Variants in MAP3K9 observed in about 807,000 individuals in gnomAD.
The protein encoded by MAP3K9 is mitogen-activated protein kinase kinase kinase 9.
Under a neutral mutation model 95.8 loss-of-function variants are expected in MAP3K9, and 46 were observed. The observed-to-expected ratio is 0.48, with a 90% confidence interval of 0.38 to 0.61. The LOEUF is 0.61. Among genes scored for constraint, MAP3K9 ranks in the 20% least tolerant of loss-of-function variants. MAP3K9 has a pLI of 0.00. For missense variants in MAP3K9, 1,296 were observed against 1,474.3 expected (o/e 0.88, Z 1.98); for synonymous variants, 533 against 593.8 (o/e 0.90, Z 1.49).
At chr14:70,748,062 G>A (rs1377705801) in intron 5 of MAP3K9, among the ~76,000 whole-genome samples, 1 of 148,688 alleles carries the variant, frequency 6.7e-6, no homozygotes, top group African/African-American at 2.5e-5. Flanking sequence ...AGCTGAGATC[G>A]TGCCACTGCA....
chr14:70,730,371 C>G lies in MAP3K9; in HGVS notation c.*9G>C. ...GCTGTCCCCCTTGCCCGCCCCAATCCTTTTCGTGCTAAGACCAGAACTCCT... is the reference window on the plus strand; with the variant it reads ...GCTGTCCCCCTTGCCCGCCCCAATCGTTTTCGTGCTAAGACCAGAACTCCT... On this transcript the variant is annotated 3_prime_UTR_variant, in exon 12 of 12. Transcript: ENST00000554752. The G allele has an allele frequency of 6.3e-7, 1 of 1,595,818 alleles. No homozygotes were observed. Among genetic ancestry groups the G allele is most frequent in the Non-Finnish European group, 8.6e-7 (1 of 1,165,824 alleles).
intron 5 of MAP3K9, among the ~76,000 whole-genome samples, chr14:70,743,636 C>T (rs2054106391): frequency 6.6e-6 from 1 of 152,142 alleles, no homozygotes; most frequent in Admixed American, 6.5e-5. Flanking sequence ...TACAGAATTG[C>T]AAATCAAAAC....
At chr14:70,740,783 T>G (rs1455972189) in intron 6 of MAP3K9, among the ~76,000 whole-genome samples, 1 of 152,236 alleles carries the variant, frequency 6.6e-6, no homozygotes, top group African/African-American at 2.4e-5. Context: ...AATAAACAGC[T>G]GCTGCTTGCA....
Position 70,722,690 on chromosome 14 carries a change from A to C in MAP3K9, c.*7690T>G, listed in dbSNP as rs1413075003. 2 of 142,656 alleles carry C rather than the reference A, an allele frequency of 1.4e-5. No individual in the cohort carries two copies. Among genetic ancestry groups the C allele is most frequent in the Non-Finnish European group, 3.1e-5 (2 of 64,614 alleles). 8.8% of individuals were successfully genotyped at this position (142,656 alleles called of 1,614,324 possible). ...GTACCTCGAAAGAAAAAAAAAAAAA[A>C]GCCAAAGGAAAGAACCTGGTAAGTT... On this transcript the variant is annotated 3_prime_UTR_variant, in exon 12 of 12. Transcript: ENST00000554752.
intron 2 of MAP3K9, among the ~76,000 whole-genome samples, chr14:70,794,152 G>C (rs781155159): frequency 6.6e-6 from 1 of 152,312 alleles, no homozygotes; most frequent in African/African-American, 2.4e-5. Context: ...GGAAAGGGGA[G>C]ACCAGCTTGG....
chr14:70,784,767 T>G (rs1034864051), intron 2 of MAP3K9, among the ~76,000 whole-genome samples: 1 of 152,114 alleles, frequency 6.6e-6, no homozygotes, highest in Non-Finnish European at 1.5e-5. Flanking sequence ...AGGTTCAAAT[T>G]GTGCTTTTGG....
At chr14:70,754,846 C>T (rs1566743328) in intron 3 of MAP3K9, among the ~76,000 whole-genome samples, 2 of 152,230 alleles carry the variant, frequency 1.3e-5, no homozygotes, top group East Asian at 3.9e-4. Flanking sequence ...GGCAAGAAGG[C>T]CTTGTGGGAC....
At chr14:70,771,513 A>T (rs1389432209) in intron 2 of MAP3K9, among the ~76,000 whole-genome samples, 1 of 152,060 alleles carries the variant, frequency 6.6e-6, no homozygotes, top group Non-Finnish European at 1.5e-5. Context: ...TAATAAAAAC[A>T]GTCTCTGAGC....
At chr14:70,732,283 C>A (rs1474810229) in intron 11 of MAP3K9, among the ~76,000 whole-genome samples, 1 of 152,092 alleles carries the variant, frequency 6.6e-6, no homozygotes, top group Non-Finnish European at 1.5e-5. Flanking sequence ...CCAAAGGAGT[C>A]CCAGGTCTTC....
intron 2 of MAP3K9, among the ~76,000 whole-genome samples, chr14:70,790,531 G>C (rs998210871): frequency 6.6e-6 from 1 of 152,170 alleles, no homozygotes; most frequent in Non-Finnish European, 1.5e-5. Context: ...CACTGCACCA[G>C]AACACCTCTT....
rs375161594 is a variant in MAP3K9, at chr14:70,742,462, T to C, written c.1456A>G (p.Ile486Val). Residue 486 changes from isoleucine to valine, a missense_variant, in exon 6 of 12, where the codon ATC becomes GTC. Around this residue, in one of 5 missense-constraint regions of MAP3K9, gnomAD observed 377 missense variants for 417.1 expected, o/e 0.90. Transcript: ENST00000554752. ...EIDILERELN[I>V]IIHQLCQEKP... ...TCCTGGCACAGCTGGTGGATGATGA[T>C]GTTGAGCTCCCGTTCCAGGATGTCA... 677 of 1,614,234 alleles carry C rather than the reference T, an allele frequency of 4.2e-4. 7 individuals carry two copies. In the South Asian group the frequency reaches 6.3e-3, roughly 15 times the overall value.
At chr14:70,776,368 G>A (rs921158670) in intron 2 of MAP3K9, among the ~76,000 whole-genome samples, 4 of 152,080 alleles carry the variant, frequency 2.6e-5, no homozygotes, top group East Asian at 1.9e-4. Flanking sequence ...TGTGGCTTGC[G>A]GGGAGGGTGT....
intron 2 of MAP3K9, among the ~76,000 whole-genome samples, chr14:70,780,133 G>T (rs1662639195): frequency 2.0e-5 from 3 of 152,202 alleles, no homozygotes; most frequent in Non-Finnish European, 2.9e-5. Flanking sequence ...GGGAACAAGG[G>T]AACAAATCAG....
intron 3 of MAP3K9, among the ~76,000 whole-genome samples, 173 bp downstream of exon 3, chr14:70,760,829 T>C (rs1184949005): frequency 6.6e-6 from 1 of 152,132 alleles, no homozygotes; most frequent in Non-Finnish European, 1.5e-5. Flanking sequence ...ATGAAAGCAT[T>C]AGAAACTGTC....
intron 2 of MAP3K9, among the ~76,000 whole-genome samples, chr14:70,775,971 C>CT (rs1457673044): frequency 2.0e-5 from 3 of 152,080 alleles, no homozygotes; most frequent in Non-Finnish European, 4.4e-5. Flanking sequence ...GGTGGATCAC[C>CT]TGAGGTCAGG....
chr14:70,733,330 C>A lies in MAP3K9; in HGVS notation c.2039G>T (p.Ser680Ile). 1.5e-6 allele frequency: 2 copies of A among 1,348,674 alleles called. No individual in the cohort carries two copies. Among genetic ancestry groups the A allele is most frequent in the Non-Finnish European group, 2.1e-6 (2 of 962,046 alleles). The allele number at this position is 1,348,674 out of a possible 1,614,324, so 83.5% of individuals were successfully genotyped here. Residue 680 changes from serine to isoleucine, a missense_variant, in exon 11 of 12, where the codon AGT (serine) becomes ATT (isoleucine). This residue lies in a region of MAP3K9 where 377 missense variants were observed against 417.1 expected (regional missense o/e 0.90). Coordinates refer to ENST00000554752, the MANE Select transcript of MAP3K9 (RefSeq NM_001284230.2). ...ACTCTCTCCACTCCCTGGGCCTTCA[C>A]TGTCCTCATCCTCTGTGAAGATGAC... ...TSLMEMEDED[S>I]EGPGSGESRL...
At chr14:70,742,650 TG>T (rs1312031245) in intron 5 of MAP3K9, 59 bp from the exon 6 acceptor site, 2 of 1,575,032 alleles carry the variant, frequency 1.3e-6, no homozygotes, top group Admixed American at 3.5e-5. Flanking sequence ...AGAGGGGCTC[TG>T]GGGTGAGGCC....
At chr14:70,733,600 C>T (rs370550884) in intron 10 of MAP3K9, among the ~76,000 whole-genome samples, 1 of 152,194 alleles carries the variant, frequency 6.6e-6, no homozygotes. Flanking sequence ...TTTGCCATTT[C>T]TTTCATAAGG....
rs2053773386 is a variant in MAP3K9, at chr14:70,722,975, C to A, written c.*7405G>T. The A allele has an allele frequency of 6.6e-6, 1 of 152,166 alleles. No individual in the cohort carries two copies. Among genetic ancestry groups the A allele is most frequent in the African/African-American group, 2.4e-5 (1 of 41,426 alleles). The allele number at this position is 152,166 out of a possible 1,614,324, so 9.4% of individuals were successfully genotyped here. On this transcript the variant is annotated 3_prime_UTR_variant, in exon 12 of 12. Transcript: ENST00000554752. ...AAGCTTTTCTGTGAACTAAGTAAAA[C>A]CCATCTCCAATTCCTTTCCTTAATC...
Sources: allele counts gnomAD v4.1 joint callset (sites outside exome capture counted in the v4.1 genomes callset), GRCh38; gene constraint gnomAD v4.1.1; regional missense constraint gnomAD v4.1.1; transcripts MANE v1.5; gene names NCBI Gene and HGNC (gene_info 2026-07-23, HGNC 2026-07-21).